Variants in NRG4 observed in about 807,000 individuals in gnomAD.
The protein encoded by NRG4 is neuregulin 4, also known as pro-neuregulin-4, membrane-bound isoform.
In NRG4, 10 loss-of-function variants were observed where a neutral mutation model predicts 15.0. That is an observed-to-expected ratio of 0.67 (90% CI 0.41 to 1.13). The LOEUF is 1.13. Ranked by LOEUF, NRG4 falls within the 50% of genes most tolerant of loss-of-function variation. The pLI, the probability that NRG4 is intolerant of heterozygous loss-of-function variation, is 0.00. For missense variants in NRG4, 139 were observed against 140.2 expected (o/e 0.99, Z 0.04); for synonymous variants, 41 against 50.1 (o/e 0.82, Z 0.77).
At chr15:75,948,696 G>A (rs1226698104) in intron 5 of NRG4, among the ~76,000 whole-genome samples, 1 of 152,032 alleles carries the variant, frequency 6.6e-6, no homozygotes, top group Non-Finnish European at 1.5e-5. Context: ...ATTGAAAAAC[G>A]GGCTTTTAAA....
chr15:76,039,096 C>T (rs772144588), intron 4 of NRG4, among the ~76,000 whole-genome samples: 3 of 152,188 alleles, frequency 2.0e-5, no homozygotes, highest in Non-Finnish European at 4.4e-5. Flanking sequence ...TCTTAGATCA[C>T]AACACTCAAA....
At chr15:75,957,260 C>T (rs532502600) in intron 4 of NRG4, among the ~76,000 whole-genome samples, 2 of 152,228 alleles carry the variant, frequency 1.3e-5, no homozygotes, top group South Asian at 4.1e-4. Flanking sequence ...GATCAACTTC[C>T]TTTTACCTGA....
At chr15:76,018,403 G>C (rs980878957) in intron 5 of NRG4, among the ~76,000 whole-genome samples, 5 of 152,132 alleles carry the variant, frequency 3.3e-5, no homozygotes, top group African/African-American at 9.7e-5. Context: ...GAGTAGAAGA[G>C]GCGTTCTGGG....
chr15:76,046,275 C>T (rs2035867597), intron 4 of NRG4, among the ~76,000 whole-genome samples: 1 of 150,966 alleles, frequency 6.6e-6, no homozygotes, highest in South Asian at 2.1e-4. Context: ...ATAAAGACTA[C>T]CCAAAGCAAT....
chr15:76,055,502 T>G (rs2036131325), intron 2 of NRG4, among the ~76,000 whole-genome samples: 1 of 152,200 alleles, frequency 6.6e-6, no homozygotes, highest in South Asian at 2.1e-4. Flanking sequence ...ACCACCAGGG[T>G]TGCGAACATG....
At chr15:75,968,816 T>C (rs1313329801) in intron 3 of NRG4, among the ~76,000 whole-genome samples, 2 of 152,110 alleles carry the variant, frequency 1.3e-5, no homozygotes, top group Non-Finnish European at 2.9e-5. Flanking sequence ...AGTACATATA[T>C]GTTTTTCTTA....
chr15:75,995,910 T>C (rs1439045011), intron 3 of NRG4, among the ~76,000 whole-genome samples: 1 of 152,196 alleles, frequency 6.6e-6, no homozygotes, highest in African/African-American at 2.4e-5. Flanking sequence ...ACTTCATGCA[T>C]TACAGTTCTA....
rs2030948844 is a variant in NRG4 at position 75,941,471 on chromosome 15, T to G, written c.*2167A>C. ...GCGGAGGCTTGAGGGTATATTTGTA[T>G]ACCAGTGTTCACTGCAGCATTATTC... On this transcript the variant is annotated 3_prime_UTR_variant, in exon 6 of 6. Coordinates refer to ENST00000394907, the MANE Select transcript of NRG4 (RefSeq NM_138573.4). 5.3e-5 allele frequency: 8 copies of G among 152,162 alleles called. 1 individual carries two copies. 9.4% of individuals were successfully genotyped at this position (152,162 alleles called of 1,614,324 possible). A position where few individuals can be genotyped will look rare whatever the true frequency, so the allele number is the denominator to read the frequency against.
intron 3 of NRG4, among the ~76,000 whole-genome samples, chr15:75,995,337 G>C (rs374430710): frequency 1.2e-4 from 19 of 152,264 alleles, no homozygotes; most frequent in African/African-American, 4.6e-4. Context: ...AAGGTGAGGG[G>C]GAGCCAGTGT....
At chr15:76,056,283 A>G (rs2036148949) in intron 2 of NRG4, among the ~76,000 whole-genome samples, 1 of 151,430 alleles carries the variant, frequency 6.6e-6, no homozygotes, top group Admixed American at 6.6e-5. Context: ...CCCCATCTCT[A>G]CTTAAAGAAA....
intron 5 of NRG4, chr15:75,945,952 G>A (rs2031476912): frequency 6.6e-6 from 1 of 152,122 alleles, no homozygotes; most frequent in African/African-American, 2.4e-5. Flanking sequence ...TAATAAAGTA[G>A]AACAATTATA....
intron 3 of NRG4, among the ~76,000 whole-genome samples, chr15:76,004,065 G>C (rs187785550): frequency 2.1e-3 from 315 of 152,232 alleles, no homozygotes; most frequent in Non-Finnish European, 3.5e-3. Context: ...TTAATGTATT[G>C]AGACGAATTC....
intron 5 of NRG4, among the ~76,000 whole-genome samples, chr15:75,953,770 G>A (rs1046585065): frequency 1.3e-5 from 2 of 152,106 alleles, no homozygotes; most frequent in African/African-American, 2.4e-5. Flanking sequence ...TTGGCTCACC[G>A]CAGCCTTGAC....
chr15:75,955,030 T>C (rs1036898470), intron 5 of NRG4, among the ~76,000 whole-genome samples: 1 of 152,120 alleles, frequency 6.6e-6, no homozygotes, highest in African/African-American at 2.4e-5. Flanking sequence ...CCAGCCTCAG[T>C]GGGAACAGAC....
At chr15:76,035,360 T>G (rs1024716405) in intron 5 of NRG4, among the ~76,000 whole-genome samples, 1 of 152,206 alleles carries the variant, frequency 6.6e-6, no homozygotes, top group African/African-American at 2.4e-5. Flanking sequence ...CCCTTCTTAA[T>G]CACTGGCAAA....
chr15:76,006,966 C>T (rs1171150068), intron 3 of NRG4, among the ~76,000 whole-genome samples: 1 of 152,038 alleles, frequency 6.6e-6, no homozygotes, highest in Non-Finnish European at 1.5e-5. Flanking sequence ...AGTACTCTGT[C>T]CACAATGCCA....
intron 3 of NRG4, among the ~76,000 whole-genome samples, chr15:75,967,008 G>A (rs763083803): frequency 9.2e-5 from 14 of 151,676 alleles, no homozygotes; most frequent in Non-Finnish European, 1.3e-4. Context: ...CCAGCTACCC[G>A]GGAGGCTGAG....
intron 3 of NRG4, among the ~76,000 whole-genome samples, chr15:75,983,988 G>A (rs918873210): frequency 3.9e-4 from 60 of 152,178 alleles, no homozygotes; most frequent in African/African-American, 1.4e-3. Context: ...GAATATAAAT[G>A]TTACCCCAAT....
intron 3 of NRG4, among the ~76,000 whole-genome samples, chr15:75,968,082 T>C (rs1049330544): frequency 9.9e-5 from 15 of 152,216 alleles, no homozygotes; most frequent in Admixed American, 8.5e-4. Flanking sequence ...ACTGAGTGTG[T>C]GCATTCGCTA....
Sources: gnomAD v4.1 joint callset for allele counts (sites outside exome capture counted in the v4.1 genomes callset) on GRCh38, gnomAD v4.1.1 for gene constraint, MANE v1.5 for transcripts, NCBI Gene and HGNC (gene_info 2026-07-23, HGNC 2026-07-21) for gene names.